Variants in KMT2C observed in about 807,000 individuals in gnomAD.
The protein encoded by KMT2C is lysine methyltransferase 2C.
In KMT2C, 88 loss-of-function variants were observed where a neutral mutation model predicts 507.9. That is an observed-to-expected ratio of 0.17 (90% CI 0.15 to 0.21). KMT2C has a LOEUF of 0.21. Ranked by LOEUF, KMT2C falls within the 10% of genes least tolerant of loss-of-function variation. The pLI, the probability that KMT2C is intolerant of heterozygous loss-of-function variation, is 1.00. For missense variants in KMT2C, 4,954 were observed against 5,957.8 expected (o/e 0.83, Z 5.55); for synonymous variants, 2,049 against 2,080.8 (o/e 0.98, Z 0.42).
At chr7:152,221,689 G>A (rs993041597) in intron 22 of KMT2C, among the ~76,000 whole-genome samples, 10 of 152,100 alleles carry the variant, frequency 6.6e-5, no homozygotes, top group Non-Finnish European at 1.0e-4. Flanking sequence ...AAATCTGTTC[G>A]CTAACTAGGC....
At chr7:152,405,261 C>CTT (rs5888467) in intron 1 of KMT2C, among the ~76,000 whole-genome samples, 16 of 151,978 alleles carry the variant, frequency 1.1e-4, no homozygotes, top group Non-Finnish European at 5.9e-5. Context: ...TTTAACTTCA[C>CTT]TTTTTTTTTT....
chr7:152,356,651 G>T (rs1169069521), intron 2 of KMT2C, among the ~76,000 whole-genome samples: 2 of 151,808 alleles, frequency 1.3e-5, no homozygotes, highest in Non-Finnish European at 2.9e-5. Context: ...AGCACTTTGG[G>T]AGGGCAAGGC....
At chr7:152,236,073 ATTT>A in intron 15 of KMT2C, 140 bp from the exon 16 acceptor site, 1 of 561,248 alleles carries the variant, frequency 1.8e-6, no homozygotes, top group Non-Finnish European at 3.2e-6. Context: ...CTGGCTTATT[ATTT>A]TTATCTTTAA....
chr7:152,373,780 TCAA>T (rs1215049893), intron 1 of KMT2C, among the ~76,000 whole-genome samples: 1 of 152,058 alleles, frequency 6.6e-6, no homozygotes, highest in Admixed American at 6.6e-5. Flanking sequence ...GAAAGAGATA[TCAA>T]CAACAAAGTT....
chr7:152,435,263 T>C (rs1283500294), intron 1 of KMT2C, among the ~76,000 whole-genome samples: 8 of 151,952 alleles, frequency 5.3e-5, no homozygotes, highest in Non-Finnish European at 1.5e-5. Flanking sequence ...GGGGACTACC[T>C]GGGCGCGCTC....
At chr7:152,238,153 C>A (rs2095317683) in intron 15 of KMT2C, among the ~76,000 whole-genome samples, 1 of 152,310 alleles carries the variant, frequency 6.6e-6, no homozygotes, top group African/African-American at 2.4e-5. Context: ...AAACTGTCAT[C>A]TCCAGTCAAT....
intron 6 of KMT2C, among the ~76,000 whole-genome samples, chr7:152,309,721 A>G (rs1276821080): frequency 1.3e-5 from 2 of 151,666 alleles, no homozygotes; most frequent in South Asian, 2.1e-4. Flanking sequence ...GGGTTTTACC[A>G]TGTTGGCCAG....
At chr7:152,202,811 T>C (rs757027919) in intron 26 of KMT2C, 123 bp downstream of exon 26, 27 of 811,834 alleles carry the variant, frequency 3.3e-5, no homozygotes, top group Non-Finnish European at 5.1e-5. Flanking sequence ...GCATTTATGA[T>C]GACTAAATGA....
intron 9 of KMT2C, among the ~76,000 whole-genome samples, chr7:152,258,930 G>A (rs569828043): frequency 6.6e-5 from 10 of 152,222 alleles, no homozygotes; most frequent in East Asian, 3.9e-4. Context: ...TACAAAGGAG[G>A]GGGAAAAGAA....
At chr7:152,409,523 C>CTGGCTAT (rs1210593813) in intron 1 of KMT2C, among the ~76,000 whole-genome samples, 1 of 150,214 alleles carries the variant, frequency 6.7e-6, no homozygotes, top group African/African-American at 2.5e-5. Flanking sequence ...CGAGACCATC[C>CTGGCTAT]TGGCTACCAC....
intron 1 of KMT2C, among the ~76,000 whole-genome samples, chr7:152,392,949 G>C (rs1158303430): frequency 6.6e-6 from 1 of 152,116 alleles, no homozygotes; most frequent in African/African-American, 2.4e-5. Flanking sequence ...TTAAACATTA[G>C]CCGGGTGTGG....
chr7:152,346,849 A>G (rs946142471), intron 2 of KMT2C, among the ~76,000 whole-genome samples: 2 of 152,238 alleles, frequency 1.3e-5, no homozygotes, highest in African/African-American at 2.4e-5. Flanking sequence ...AATCATGGCC[A>G]GGCACAGTGG....
At chr7:152,203,947 TC>T (rs1376826817) in intron 25 of KMT2C, among the ~76,000 whole-genome samples, 4 of 152,086 alleles carry the variant, frequency 2.6e-5, no homozygotes, top group African/African-American at 7.2e-5. Context: ...TTTGCTGAAA[TC>T]CAATGACCTC....
chr7:152,348,576 G>A (rs1470770679), intron 2 of KMT2C, among the ~76,000 whole-genome samples: 3 of 113,958 alleles, frequency 2.6e-5, no homozygotes, highest in Non-Finnish European at 5.2e-5. Context: ...TCCAGCCTGG[G>A]CAACAAAAGC....
At chr7:152,400,105 A>T (rs1160845433) in intron 1 of KMT2C, among the ~76,000 whole-genome samples, 1 of 136,860 alleles carries the variant, frequency 7.3e-6, no homozygotes, top group African/African-American at 3.3e-5. Flanking sequence ...TCAGGAGATC[A>T]AAACCATCCT....
At chr7:152,412,003 T>A (rs2097689401) in intron 1 of KMT2C, among the ~76,000 whole-genome samples, 1 of 152,282 alleles carries the variant, frequency 6.6e-6, no homozygotes, top group African/African-American at 2.4e-5. Context: ...AAATAGATCT[T>A]CAATGTGTAT....
Position 152,357,086 on chromosome 7 carries a change from C to A in KMT2C, c.250+1501G>T, listed in dbSNP as rs894124572. ...CTACTAAAAATACGAGTTATCCAGG[C>A]ATGGTGGCGCATGTCTATAATCCCA... On this transcript the variant is annotated intron_variant, in intron 2 of 58. Coordinates refer to ENST00000262189, the MANE Select transcript of KMT2C (RefSeq NM_170606.3). Among the ~76,000 whole-genome samples, 8 of 151,380 alleles carry A rather than the reference C, an allele frequency of 5.3e-5. 2 individuals are homozygous for A. The highest frequency in any genetic ancestry group is 4.6e-4 in the Admixed American group (7 of 15,180).
intron 1 of KMT2C, among the ~76,000 whole-genome samples, chr7:152,412,340 G>A (rs2097692933): frequency 6.6e-6 from 1 of 152,236 alleles, no homozygotes; most frequent in Non-Finnish European, 1.5e-5. Context: ...GGCGGAGGTT[G>A]CAGTGAGCTG....
At chr7:152,413,519 CACTGTAACTAACTTCA>C (rs911967975) in intron 1 of KMT2C, among the ~76,000 whole-genome samples, 4 of 151,956 alleles carry the variant, frequency 2.6e-5, no homozygotes, top group African/African-American at 9.7e-5. Context: ...TTTTTATTTC[CACTGTAACTAACTTCA>C]ACTATGAATA....
Sources: allele counts gnomAD v4.1 joint callset (sites outside exome capture counted in the v4.1 genomes callset), GRCh38; gene constraint gnomAD v4.1.1; transcripts MANE v1.5; gene names NCBI Gene and HGNC (gene_info 2026-07-23, HGNC 2026-07-21).